CLSTN2: variants seen among roughly 807,000 people sequenced by gnomAD.
CLSTN2 encodes calsyntenin 2, also known as calsyntenin-2.
CLSTN2 carries 48 observed loss-of-function variants against 101.2 expected under a neutral mutation model. The observed-to-expected ratio is 0.47, with a 90% CI of 0.38 to 0.60. The LOEUF (loss-of-function observed/expected upper bound fraction) is 0.60. Ranked by LOEUF, CLSTN2 falls within the 20% of genes least tolerant of loss-of-function variation. The pLI is 0.00. For missense variants in CLSTN2, 1,160 were observed against 1,238.2 expected, an observed-to-expected ratio of 0.94 and a Z score of 0.95; for synonymous variants, 481 against 463.6, an observed-to-expected ratio of 1.04 and a Z score of -0.48.
At chr3:140,344,857 C>T (rs1394464088) in intron 2 of CLSTN2, among the ~76,000 whole-genome samples, 2 of 152,200 alleles carry the variant, frequency 1.3e-5, no homozygotes, top group Non-Finnish European at 2.9e-5. Flanking sequence ...TTTTGAAGAG[C>T]AAACGCATGC....
chr3:139,995,962 A>T (rs1257629113), intron 1 of CLSTN2, among the ~76,000 whole-genome samples: 1 of 152,254 alleles, frequency 6.6e-6, no homozygotes, highest in African/African-American at 2.4e-5. Flanking sequence ...TTATTAAAAA[A>T]TGTAATAAAC....
At chr3:140,503,425 G>A (rs1934619841) in intron 8 of CLSTN2, among the ~76,000 whole-genome samples, 2 of 152,264 alleles carry the variant, frequency 1.3e-5, no homozygotes, top group East Asian at 3.9e-4. Context: ...GTAACATCCT[G>A]TACAGGTCCA....
chr3:140,323,071 G>A (rs1257920240), intron 2 of CLSTN2, among the ~76,000 whole-genome samples: 1 of 152,230 alleles, frequency 6.6e-6, no homozygotes, highest in African/African-American at 2.4e-5. Flanking sequence ...GGTAGATGCT[G>A]CGCTTGAGAA....
intron 1 of CLSTN2, among the ~76,000 whole-genome samples, chr3:139,968,181 A>C (rs1935637403): frequency 6.6e-6 from 1 of 152,222 alleles, no homozygotes; most frequent in Non-Finnish European, 1.5e-5. Context: ...ATTAGAGGCC[A>C]CAGAATAAAC....
chr3:139,948,400 G>A (rs1214931518), intron 1 of CLSTN2, among the ~76,000 whole-genome samples: 2 of 151,988 alleles, frequency 1.3e-5, no homozygotes, highest in African/African-American at 4.8e-5. Context: ...GGGAGGCAGA[G>A]GTTGCAGTGA....
At chr3:140,459,798 C>G in intron 7 of CLSTN2, 29 bp downstream of exon 7, 1 of 281,730 alleles carries the variant, frequency 3.5e-6, no homozygotes, top group Non-Finnish European at 5.6e-6. Flanking sequence ...CCTTCCACCC[C>G]TCCTACCCCA....
intron 10 of CLSTN2, among the ~76,000 whole-genome samples, chr3:140,548,532 A>G (rs2107787771): frequency 6.6e-6 from 1 of 152,286 alleles, no homozygotes; most frequent in South Asian, 2.1e-4. Flanking sequence ...AGGCCTGAGT[A>G]GAATGTTTAA....
intron 1 of CLSTN2, among the ~76,000 whole-genome samples, chr3:140,084,627 C>T (rs2008650799): frequency 6.6e-6 from 1 of 152,162 alleles, no homozygotes; most frequent in Non-Finnish European, 1.5e-5. Context: ...TTCAAGGAAA[C>T]TACCTGAGGG....
chr3:140,106,605 G>A (rs113393596), intron 1 of CLSTN2, among the ~76,000 whole-genome samples: 3 of 152,172 alleles, frequency 2.0e-5, no homozygotes, highest in East Asian at 1.9e-4. Context: ...AGAAGACAAG[G>A]TTCCTCTCCA....
intron 2 of CLSTN2, among the ~76,000 whole-genome samples, chr3:140,392,884 T>C (rs914735646): frequency 1.3e-5 from 2 of 152,048 alleles, no homozygotes. Context: ...GAGAAGTCCA[T>C]GGTCGAGGGG....
At chr3:140,116,019 G>A (rs1448751299) in intron 1 of CLSTN2, among the ~76,000 whole-genome samples, 1 of 152,192 alleles carries the variant, frequency 6.6e-6, no homozygotes, top group Non-Finnish European at 1.5e-5. Context: ...TCAGTGGACA[G>A]AATGTCTGGT....
intron 1 of CLSTN2, among the ~76,000 whole-genome samples, chr3:139,997,442 C>A (rs2006695658): frequency 6.6e-6 from 1 of 152,186 alleles, no homozygotes; most frequent in Admixed American, 6.5e-5. Flanking sequence ...CCAAATTTTG[C>A]AGCTCCATGG....
chr3:140,456,039 T>G (rs1241561718), intron 6 of CLSTN2, among the ~76,000 whole-genome samples: 2 of 152,112 alleles, frequency 1.3e-5, no homozygotes, highest in Non-Finnish European at 2.9e-5. Flanking sequence ...TGGAGTCCCA[T>G]GTGACTAGGC....
intron 1 of CLSTN2, among the ~76,000 whole-genome samples, chr3:140,114,477 T>C (rs187629145): frequency 3.3e-5 from 5 of 152,226 alleles, no homozygotes; most frequent in Admixed American, 3.3e-4. Context: ...TTTCTGTGAG[T>C]CTATCTAAAG....
intron 8 of CLSTN2, among the ~76,000 whole-genome samples, chr3:140,499,223 C>A (rs1215435928): frequency 6.6e-6 from 1 of 152,122 alleles, no homozygotes; most frequent in Non-Finnish European, 1.5e-5. Context: ...ACTATGGAGC[C>A]CTTACAGAGT....
chr3:140,198,277 G>C (rs1346275874), intron 2 of CLSTN2, among the ~76,000 whole-genome samples: 1 of 152,190 alleles, frequency 6.6e-6, no homozygotes, highest in Non-Finnish European at 1.5e-5. Context: ...TGCCTTTGGG[G>C]CACCTGTATG....
At chr3:140,390,053 C>G (rs7618652) in intron 2 of CLSTN2, among the ~76,000 whole-genome samples, 2,507 of 147,686 alleles carry the variant, frequency 0.017, 73 homozygotes, top group African/African-American at 0.059. Context: ...CCAATGAAGC[C>G]ATCTGGGCCT....
rs554854047 is a variant in CLSTN2 at position 140,400,845 on chromosome 3, G to A, written c.233-2784G>A. ...TCCACTCCTGCCACACTGGGCCTGC[G>A]GTCCCTTGGACTCACCATGTTCCTT... On this transcript the variant is annotated intron_variant, in intron 2 of 16. Transcript: ENST00000458420. Among the ~76,000 whole-genome samples, 138 of 152,294 alleles carry A rather than the reference G, an allele frequency of 9.1e-4. 1 individual carries two copies. Among genetic ancestry groups the A allele is most frequent in the African/African-American group, 3.1e-3 (129 of 41,556 alleles).
intron 1 of CLSTN2, among the ~76,000 whole-genome samples, chr3:140,063,901 T>C (rs1277700049): frequency 1.3e-5 from 2 of 152,190 alleles, no homozygotes; most frequent in East Asian, 1.9e-4. Context: ...GCACGGCCAT[T>C]TGACCCTCTC....
Sources: gnomAD v4.1 joint callset for allele counts (sites outside exome capture counted in the v4.1 genomes callset) on GRCh38, gnomAD v4.1.1 for gene constraint, MANE v1.5 for transcripts, NCBI Gene and HGNC (gene_info 2026-07-23, HGNC 2026-07-21) for gene names.